RBM10: variants seen among roughly 807,000 people sequenced by gnomAD.
The protein encoded by RBM10 is RNA-binding protein 10.
RBM10 carries 1 observed loss-of-function variant against 84.9 expected under a neutral mutation model. That is an observed-to-expected ratio of 0.01 (90% CI 0.00 to 0.06). The LOEUF (loss-of-function observed/expected upper bound fraction) is 0.06, where lower values mean the gene tolerates loss of function less well. Among genes scored for constraint, RBM10 ranks in the 10% least tolerant of loss-of-function variants. RBM10 has a pLI of 1.00. For missense variants in RBM10, 438 were observed against 839.0 expected, an observed-to-expected ratio of 0.52 and a Z score of 5.90; for synonymous variants, 326 against 344.5, an observed-to-expected ratio of 0.95 and a Z score of 0.60.
At chrX:47,146,411 G>A (rs1247034793) in intron 1 of RBM10, among the ~76,000 whole-genome samples, 2 of 111,836 alleles carry the variant, frequency 1.8e-5, no homozygotes, top group African/African-American at 3.3e-5. Context: ...GTGTGTGCAC[G>A]AGCATAGAGC....
At position 47,179,947 on chromosome X, in the gene RBM10, C is replaced by T. The variant is rs149920057; in HGVS notation, c.969C>T (p.Tyr323=). 17 of 1,208,884 alleles carry T rather than the reference C, an allele frequency of 1.4e-5. No homozygotes were observed. The highest frequency in any genetic ancestry group is 8.8e-5 in the African/African-American group (5 of 57,097). ...CCATCCTGGGGGCCCTGGCACCCTA[C>T]GCGGTGCTGTCCTCCTCCAACGTGC... The part of the protein sequence containing the change: ...MDSILGALAP[Y]AVLSSSNVRV... The change falls in exon 10 of 24, where the codon TAC becomes TAT. Residue 323 remains tyrosine, a synonymous_variant. Transcript: ENST00000377604.
chrX:47,170,911 G>A (rs1156387255), intron 3 of RBM10, 117 bp from the exon 4 acceptor site: 1 of 743,462 alleles, frequency 1.3e-6, no homozygotes, highest in Non-Finnish European at 2.0e-6. Flanking sequence ...CCTTTAGCCG[G>A]AGCCCGCACA....
rs1556776277 is a variant in RBM10 at position 47,176,532 on chromosome X, G to A, written c.609G>A (p.Ser203=). The A allele has an allele frequency of 4.1e-6, 5 of 1,211,466 alleles. No individual in the cohort carries two copies. The highest frequency in any genetic ancestry group is 1.8e-5 in the South Asian group (1 of 56,944). Reference sequence around the variant, plus strand: ...TCAACATCCTGGGCCAGAAGGTGTCGATGCACTACAGTGACCCCAAGCCCA... The same window carrying A: ...TCAACATCCTGGGCCAGAAGGTGTCAATGCACTACAGTGACCCCAAGCCCA... ...HSLNILGQKV[S]MHYSDPKPKI... is the part of the protein sequence containing the mutation. Residue 203 remains serine, a synonymous_variant, in exon 7 of 24, where the codon TCG becomes TCA. Transcript: ENST00000377604.
rs782452046 is a variant in RBM10 at position 47,175,112 on chromosome X, A to AC, written c.576+29dup. 777 of 926,742 alleles carry AC rather than the reference A, an allele frequency of 8.4e-4. No homozygotes were observed. The highest frequency in any genetic ancestry group is 1.1e-3 in the African/African-American group (42 of 39,948). 76.4% of individuals were successfully genotyped at this position (926,742 alleles called of 1,213,427 possible). A position where few individuals can be genotyped will look rare whatever the true frequency, so the allele number is the denominator to read the frequency against. Reference sequence around the variant, plus strand: ...AATCAGGTTGCTTTGCCGCACTTGAACCCCCCCCCAAACAAATACTACTTT... The same window carrying AC: ...AATCAGGTTGCTTTGCCGCACTTGAACCCCCCCCCCAAACAAATACTACTTT... On this transcript the variant is annotated intron_variant, in intron 6 of 23. Transcript: ENST00000377604.
chrX:47,169,873 A>C (rs782004052), intron 3 of RBM10, among the ~76,000 whole-genome samples: 99 of 112,201 alleles, frequency 8.8e-4, no homozygotes, highest in Non-Finnish European at 1.7e-3. Flanking sequence ...GGAGGACAAC[A>C]AGGGGACTGC....
chrX:47,176,702 T>G, intron 7 of RBM10, 116 bp downstream of exon 7: 1 of 1,104,443 alleles, frequency 9.1e-7, no homozygotes, highest in Non-Finnish European at 1.2e-6. Context: ...CCCCAATCTC[T>G]CCTCTCCCTC....
rs1556782814 is a variant in RBM10 at position 47,186,490 on chromosome X, G to A, written c.2684G>A (p.Arg895Gln). The change falls in exon 24 of 24, where the codon CGG becomes CAG. Residue 895 changes from arginine to glutamine, a missense_variant. Arg to Gln is a conservative substitution (Grantham distance 43). Transcript: ENST00000377604. ...VTPIEAQTRVRGSGLGARGSS... is the reference protein window; with the variant it reads ...VTPIEAQTRVQGSGLGARGSS... Reference sequence around the variant, plus strand: ...CTCACACAGGCCCAAACACGGGTGCGGGGCTCCGGCCTGGGTGCACGGGGC... The same window carrying A: ...CTCACACAGGCCCAAACACGGGTGCAGGGCTCCGGCCTGGGTGCACGGGGC... 4 of 1,206,984 alleles carry A rather than the reference G, an allele frequency of 3.3e-6. No homozygotes were observed. The highest frequency in any genetic ancestry group is 4.5e-6 in the Non-Finnish European group (4 of 893,273).
In RBM10 at chrX:47,184,937, G is replaced by A. The variant is rs1234679622; in HGVS notation, c.1951-118G>A. 3.9e-5 allele frequency: 35 copies of A among 886,307 alleles called. No individual in the cohort carries two copies. In the African/African-American group the frequency reaches 4.8e-4, roughly 12 times the overall value. The allele number at this position is 886,307 out of a possible 1,213,427, so 73.0% of individuals were successfully genotyped here. A position where few individuals can be genotyped will look rare whatever the true frequency, so the allele number is the denominator to read the frequency against. On this transcript the variant is annotated intron_variant, in intron 17 of 23. Transcript: ENST00000377604. ...CAGATGAAGCCTTCTGCAGTGGTTC[G>A]GACTAGGGATAGTGGCTGGCCCGTG... is the stretch of plus-strand genomic sequence containing the variant.
intron 2 of RBM10, chrX:47,157,626 G>T (rs1336368597): frequency 4.0e-6 from 2 of 498,903 alleles, no homozygotes; most frequent in East Asian, 7.0e-5. Context: ...GATGGTTTCA[G>T]GGTGGGCATC....
Position 47,175,044 on chromosome X carries a change from C to G in RBM10, c.528C>G (p.Val176=), listed in dbSNP as rs782166769. The G allele has an allele frequency of 1.7e-6, 2 of 1,210,932 alleles. No homozygotes were observed. The highest frequency in any genetic ancestry group is 2.2e-5 in the Admixed American group (1 of 45,970). Reference sequence around the variant, plus strand: ...GTCAGAGCCGGGGCTTCGCCTTCGTCGAGTTTAGTCACTTGCAGGACGCTA... The same window carrying G: ...GTCAGAGCCGGGGCTTCGCCTTCGTGGAGTTTAGTCACTTGCAGGACGCTA... ...SSGQSRGFAF[V]EFSHLQDATR... is the part of the protein sequence containing the mutation. The change falls in exon 6 of 24, where the codon GTC becomes GTG. Residue 176 remains valine, a synonymous_variant. Transcript: ENST00000377604.
chrX:47,168,600 A>G (rs1556770165), intron 2 of RBM10, among the ~76,000 whole-genome samples: 1 of 111,384 alleles, frequency 9.0e-6, no homozygotes, highest in Non-Finnish European at 1.9e-5. Flanking sequence ...TCATTATTTT[A>G]CAGTTATTGC....
In RBM10 at chrX:47,171,099, C is replaced by T. The variant is rs782211187; in HGVS notation, c.273C>T (p.Thr91=). 3.1e-5 allele frequency: 38 copies of T among 1,208,476 alleles called. No homozygotes were observed. Among genetic ancestry groups the T allele is most frequent in the Non-Finnish European group, 3.9e-5 (35 of 894,560 alleles). Residue 91 remains threonine, a synonymous_variant, in exon 4 of 24, where the codon ACC becomes ACT. Coordinates refer to ENST00000377604, the MANE Select transcript of RBM10 (RefSeq NM_005676.5). Reference sequence around the variant, plus strand: ...GGCGGCGGCACAGGCACAGCCCCACCGGCCCGCCAGGCTTCCCCCGAGACG... The same window carrying T: ...GGCGGCGGCACAGGCACAGCCCCACTGGCCCGCCAGGCTTCCCCCGAGACG... The part of the protein sequence containing the change: ...RRRRRHRHSP[T]GPPGFPRDGD...
intron 2 of RBM10, among the ~76,000 whole-genome samples, chrX:47,163,031 A>G (rs1471853806): frequency 5.7e-5 from 6 of 104,844 alleles, no homozygotes; most frequent in Non-Finnish European, 1.2e-4. Flanking sequence ...GCATTTCACT[A>G]TCTCACTTCT....
At chrX:47,165,519 GA>G (rs371171199) in intron 2 of RBM10, among the ~76,000 whole-genome samples, 574 of 35,517 alleles carry the variant, frequency 0.016, 3 homozygotes, top group African/African-American at 0.026. Flanking sequence ...TGTCTCAAAA[GA>G]AAAAAAAAAA....
chrX:47,171,049 G>C lies in RBM10; in HGVS notation c.223G>C (p.Gly75Arg), dbSNP rs1556772575. ...CCAGGATTCCTACGAGGCCTCCCCG[G>C]GCTCCGAGACTCAGCGTAGGCGGCG... ...SAEDSYEASP[G>R]SETQRRRRRR... Residue 75 changes from glycine (G) to arginine (R), a missense_variant, in exon 4 of 24, where the codon GGC (glycine) becomes CGC (arginine). Around this residue, in one of 8 missense-constraint regions of RBM10, gnomAD observed 92 missense variants for 134.3 expected, o/e 0.69. Coordinates refer to ENST00000377604, the MANE Select transcript of RBM10 (RefSeq NM_005676.5). 1 of 1,209,386 alleles carries C rather than the reference G, an allele frequency of 8.3e-7. No individual in the cohort carries two copies.
chrX:47,180,422 C>T lies in RBM10; in HGVS notation c.1164C>T (p.Asp388=), dbSNP rs2147179536. 4.2e-6 allele frequency: 5 copies of T among 1,199,238 alleles called. No homozygotes were observed. The highest frequency in any genetic ancestry group is 5.6e-6 in the Non-Finnish European group (5 of 889,898). Residue 388 remains aspartate (D), a synonymous_variant, in exon 12 of 24, where the codon GAC becomes GAT. Coordinates refer to ENST00000377604, the MANE Select transcript of RBM10 (RefSeq NM_005676.5). ...CAGTCTCTAACATCCTCCTCAGGGA[C>T]ATGGCCTCCAATGAAGGCAGTCGCA... ...NVEFAKGSKR[D]MASNEGSRIS...
At chrX:47,175,206 T>TC in intron 6 of RBM10, 114 bp downstream of exon 6, 1 of 465,354 alleles carries the variant, frequency 2.1e-6, no homozygotes. Context: ...CTGTGTCCCA[T>TC]CCCCCCGCCC....
intron 1 of RBM10, 21 bp downstream of exon 1, chrX:47,145,506 T>TG: frequency 8.9e-7 from 1 of 1,122,534 alleles, no homozygotes; most frequent in East Asian, 3.4e-5. Flanking sequence ...ACGCTGGTCG[T>TG]GGGGGCGGAG....
At chrX:47,162,124 A>C (rs1933760592) in intron 2 of RBM10, among the ~76,000 whole-genome samples, 1 of 112,793 alleles carries the variant, frequency 8.9e-6, no homozygotes, top group African/African-American at 3.2e-5. Context: ...TACAGGCGTG[A>C]GCCACTGCGC....
Sources: allele counts gnomAD v4.1 joint callset (sites outside exome capture counted in the v4.1 genomes callset), GRCh38; gene constraint gnomAD v4.1.1; regional missense constraint gnomAD v4.1.1; transcripts MANE v1.5; gene names NCBI Gene and HGNC (gene_info 2026-07-23, HGNC 2026-07-21).